STK17B: variants seen among roughly 807,000 people sequenced by gnomAD.
STK17B encodes the protein serine/threonine kinase 17b.
Under a neutral mutation model 42.0 loss-of-function variants are expected in STK17B, and 21 were observed. That is an observed-to-expected ratio of 0.50 (90% confidence interval 0.35 to 0.72). The LOEUF (loss-of-function observed/expected upper bound fraction) is 0.72. Ranked by LOEUF, STK17B falls within the 30% of genes least tolerant of loss-of-function variation. The pLI is 0.00. For synonymous variants in STK17B, 143 were observed against 148.4 expected (o/e 0.96, Z 0.26); for missense variants, 349 against 446.0 (o/e 0.78, Z 1.96).
At chr2:196,143,234 C>A (rs1378726730) in intron 5 of STK17B, among the ~76,000 whole-genome samples, 1 of 151,830 alleles carries the variant, frequency 6.6e-6, no homozygotes, top group Non-Finnish European at 1.5e-5. Flanking sequence ...TTCACTGCAG[C>A]AGTTTTTCTT....
chr2:196,139,782 G>A lies in STK17B; in HGVS notation c.674C>T (p.Ala225Val). ...ATDMWNIGII[A>V]YMLLTHTSPF... is the part of the protein sequence containing the mutation. ...TGATGTGTGAGTTAACAACATATATGCTATTATACCAATATTCCTGAAAAA... is the reference window on the plus strand; with the variant it reads ...TGATGTGTGAGTTAACAACATATATACTATTATACCAATATTCCTGAAAAA... The change falls in exon 7 of 8, where the codon GCA (alanine) becomes GTA (valine). Residue 225 changes from alanine to valine, a missense_variant. Physicochemically the swap from Ala to Val is moderately conservative, Grantham distance 64. This residue lies in a region of STK17B where 256 missense variants were observed against 347.7 expected (regional missense o/e 0.74). Transcript: ENST00000263955. The A allele has an allele frequency of 7.1e-7, 1 of 1,404,588 alleles. No individual in the cohort carries two copies. Among genetic ancestry groups the A allele is most frequent in the Non-Finnish European group, 9.3e-7 (1 of 1,071,750 alleles). 87.0% of individuals were successfully genotyped at this position (1,404,588 alleles called of 1,614,324 possible). A position where few individuals can be genotyped will look rare whatever the true frequency, so the allele number is the denominator to read the frequency against.
intron 4 of STK17B, 83 bp downstream of exon 4, chr2:196,145,828 T>C (rs1699565018): frequency 2.2e-6 from 3 of 1,368,894 alleles, no homozygotes; most frequent in Admixed American, 5.6e-5. Context: ...CATTGTTTCC[T>C]GTTAATACCA....
upstream of STK17B, among the ~76,000 whole-genome samples, chr2:196,175,155 T>G (rs1233506212): frequency 6.6e-6 from 1 of 152,204 alleles, no homozygotes; most frequent in Non-Finnish European, 1.5e-5. Context: ...TCAACAAAAA[T>G]TATTGAGACA....
chr2:196,159,142 T>C (rs1453582649), intron 2 of STK17B, among the ~76,000 whole-genome samples: 2 of 152,096 alleles, frequency 1.3e-5, no homozygotes, highest in East Asian at 3.8e-4. Context: ...ATAAAGAAAT[T>C]CACTTGTAAA....
chr2:196,156,769 G>T, intron 2 of STK17B, 118 bp from the exon 3 acceptor site: 1 of 779,734 alleles, frequency 1.3e-6, no homozygotes, highest in Non-Finnish European at 2.1e-6. Flanking sequence ...TGTGTCATTA[G>T]GAATTTATCT....
At chr2:196,145,084 A>G (rs1699551943) in intron 4 of STK17B, among the ~76,000 whole-genome samples, 1 of 150,480 alleles carries the variant, frequency 6.6e-6, no homozygotes, top group Non-Finnish European at 1.5e-5. Flanking sequence ...CCAATATTTT[A>G]TCAGTTGGGG....
intron 2 of STK17B, among the ~76,000 whole-genome samples, chr2:196,162,704 C>G (rs929458028): frequency 4.7e-4 from 72 of 151,718 alleles, no homozygotes; most frequent in African/African-American, 1.7e-3. Context: ...TGGAGACCAG[C>G]CTGGGCAACA....
Position 196,143,725 on chromosome 2 carries a change from A to C in STK17B, c.481-39T>G, listed in dbSNP as rs3736516. ...AACAAAAACATGATAAGTAATATAC[A>C]AAAAAGCATACTAGTCTCAGATGGA... On this transcript the variant is annotated intron_variant, in intron 4 of 7. Coordinates refer to ENST00000263955, the MANE Select transcript of STK17B (RefSeq NM_004226.4). 14 of 1,435,752 alleles carry C rather than the reference A, an allele frequency of 9.8e-6. No homozygotes were observed. In the East Asian group the frequency reaches 3.2e-4, roughly 33 times the overall value. The allele number at this position is 1,435,752 out of a possible 1,614,324, so 88.9% of individuals were successfully genotyped here. A position where few individuals can be genotyped will look rare whatever the true frequency, so the allele number is the denominator to read the frequency against.
chr2:196,169,245 T>C (rs1023328638), intron 1 of STK17B, among the ~76,000 whole-genome samples: 6 of 151,962 alleles, frequency 3.9e-5, no homozygotes, highest in Non-Finnish European at 5.9e-5. Context: ...CCGGCTAATT[T>C]TTGTATTTTT....
intron 3 of STK17B, chr2:196,154,536 G>C (rs4850669): frequency 1.3e-5 from 2 of 152,092 alleles, no homozygotes; most frequent in South Asian, 2.1e-4. Context: ...CAACTGGTGA[G>C]TAAAAGTGAA....
chr2:196,137,294 C>T lies in STK17B; in HGVS notation c.*153G>A. The stretch of plus-strand genomic sequence containing the variant: ...ATATGAAATCATAACATGCTAGCAA[C>T]TAGTAATTTAACATTAAAACACTTC... On this transcript the variant is annotated 3_prime_UTR_variant, in exon 8 of 8. Coordinates refer to ENST00000263955, the MANE Select transcript of STK17B (RefSeq NM_004226.4). 2.7e-6 allele frequency: 2 copies of T among 740,370 alleles called. No individual in the cohort carries two copies. The highest frequency in any genetic ancestry group is 4.1e-6 in the Non-Finnish European group (2 of 482,298). The allele number at this position is 740,370 out of a possible 1,614,324, so 45.9% of individuals were successfully genotyped here.
chr2:196,153,398 G>C (rs1161911993), intron 3 of STK17B: 2 of 151,588 alleles, frequency 1.3e-5, no homozygotes, highest in African/African-American at 4.9e-5. Context: ...GTGAGAGAGG[G>C]GAGATGCATA....
intron 2 of STK17B, among the ~76,000 whole-genome samples, chr2:196,158,273 A>G (rs1699764631): frequency 6.6e-6 from 1 of 152,220 alleles, no homozygotes; most frequent in Admixed American, 6.5e-5. Flanking sequence ...GCAAAGGCCA[A>G]GATGACAAAG....
chr2:196,144,879 A>G (rs1054846908), intron 4 of STK17B, among the ~76,000 whole-genome samples: 4 of 152,142 alleles, frequency 2.6e-5, no homozygotes, highest in South Asian at 4.1e-4. Flanking sequence ...TTATTACTAA[A>G]GCACAGAGCC....
chr2:196,161,690 G>A (rs1173197939), intron 2 of STK17B, among the ~76,000 whole-genome samples: 1 of 151,522 alleles, frequency 6.6e-6, no homozygotes, highest in Non-Finnish European at 1.5e-5. Flanking sequence ...GGCTAATTTT[G>A]TATTTTTAGT....
In STK17B at chr2:196,139,687, C is replaced by A; in HGVS notation, c.769G>T (p.Glu257Ter). 1.4e-6 allele frequency: 2 copies of A among 1,473,480 alleles called. No individual in the cohort carries two copies. Among genetic ancestry groups the A allele is most frequent in the Non-Finnish European group, 1.8e-6 (2 of 1,109,978 alleles). The allele number at this position is 1,473,480 out of a possible 1,614,324, so 91.3% of individuals were successfully genotyped here. The change falls in exon 7 of 8, where the codon GAA becomes TAA. Residue 257 changes from glutamate (E) to a stop codon, truncating the protein, a stop_gained. Transcript: ENST00000263955. LOFTEE classifies it high-confidence loss of function. ...ISQVNVDYSE[E>*]TFSSVSQLAT... is the part of the protein sequence containing the mutation. ...AGCTGTGAAACTGATGAAAAAGTTT[C>A]TTCCGAATAATCTACATTAACTTGA...
Position 196,146,047 on chromosome 2 carries a change from C to T in STK17B, c.344G>A (p.Gly115Asp). Reference sequence around the variant, plus strand: ...TAAACACAGGCTGAAAATTTCTCCACCTGCAGCACTAAAATAAAATTCAAA... The same window carrying T: ...TAAACACAGGCTGAAAATTTCTCCATCTGCAGCACTAAAATAAAATTCAAA... Reference protein sequence around the residue: ...EIILILEYAAGGEIFSLCLPE... With the variant: ...EIILILEYAADGEIFSLCLPE... Residue 115 changes from glycine (G) to aspartate (D), a missense_variant, in exon 4 of 8, where the codon GGT (glycine) becomes GAT (aspartate). This residue lies in a region of STK17B where 256 missense variants were observed against 347.7 expected (regional missense o/e 0.74). Coordinates refer to ENST00000263955, the MANE Select transcript of STK17B (RefSeq NM_004226.4). 1 of 1,581,054 alleles carries T rather than the reference C, an allele frequency of 6.3e-7. No homozygotes were observed. The highest frequency in any genetic ancestry group is 8.5e-7 in the Non-Finnish European group (1 of 1,170,382).
upstream of STK17B, among the ~76,000 whole-genome samples, chr2:196,175,397 G>A (rs181552815): frequency 3.0e-3 from 456 of 152,260 alleles, 2 homozygotes; most frequent in African/African-American, 0.011. Flanking sequence ...AGGCCAAGGC[G>A]GGCAGATGAT....
chr2:196,171,045 C>G (rs574217503), intron 1 of STK17B: 1 of 152,606 alleles, frequency 6.6e-6, no homozygotes, highest in Non-Finnish European at 1.5e-5. Context: ...CGGGGACACA[C>G]GGACACGCAC....
Sources: allele counts gnomAD v4.1 joint callset (sites outside exome capture counted in the v4.1 genomes callset), GRCh38; gene constraint gnomAD v4.1.1; regional missense constraint gnomAD v4.1.1; transcripts MANE v1.5; gene names NCBI Gene and HGNC (gene_info 2026-07-23, HGNC 2026-07-21).